Variants in UBE2Z observed in about 807,000 individuals in gnomAD.
The protein encoded by UBE2Z is ubiquitin conjugating enzyme E2 Z, also known as ubiquitin-conjugating enzyme E2 Z.
Under a neutral mutation model 32.6 loss-of-function variants are expected in UBE2Z, and 10 were observed. The observed-to-expected ratio is 0.31, with a 90% CI of 0.19 to 0.52. The LOEUF (loss-of-function observed/expected upper bound fraction) is 0.52. Among genes scored for constraint, UBE2Z ranks in the 20% least tolerant of loss-of-function variants. UBE2Z has a pLI of 0.97. For missense variants in UBE2Z, 343 were observed against 480.9 expected (o/e 0.71, Z 2.68); for synonymous variants, 183 against 190.8 (o/e 0.96, Z 0.34).
At chr17:48,921,540 A>G (rs58838744) in intron 5 of UBE2Z, among the ~76,000 whole-genome samples, 62,582 of 152,098 alleles carry the variant, frequency 0.41, 15,411 homozygotes, top group East Asian at 0.71. Context: ...ACTTTTTTCC[A>G]GCCAAATGTG....
intron 6 of UBE2Z, among the ~76,000 whole-genome samples, chr17:48,924,619 A>G (rs147069987): frequency 0.019 from 2,926 of 152,096 alleles, 51 homozygotes; most frequent in Non-Finnish European, 0.029. Flanking sequence ...GCAGAGGTGG[A>G]CAGATCTCTT....
intron 1 of UBE2Z, 55 bp from the exon 2 acceptor site, chr17:48,910,753 C>T (rs766514826): frequency 4.4e-6 from 6 of 1,359,140 alleles, no homozygotes; most frequent in Non-Finnish European, 6.3e-6. Context: ...TCAAGGGATT[C>T]CCCCTTTCCC....
At chr17:48,916,290 C>T in intron 4 of UBE2Z, 103 bp downstream of exon 4, 1 of 511,914 alleles carries the variant, frequency 2.0e-6, no homozygotes, top group South Asian at 3.8e-5. Context: ...GAGTCTTCCT[C>T]TGTCACCTAG....
Position 48,908,831 on chromosome 17 carries a change from G to GT in UBE2Z, c.317+16dup. On this transcript the variant is annotated intron_variant, in intron 1 of 6. Coordinates refer to ENST00000360943, the MANE Select transcript of UBE2Z (RefSeq NM_023079.5). ...ACTCCGGATCAAGCGGTGAGCCGGG[G>GT]TTTTTCCTCCCCCAGCCCCGAGCTC... 2 of 1,487,780 alleles carry GT rather than the reference G, an allele frequency of 1.3e-6. No individual in the cohort carries two copies. The highest frequency in any genetic ancestry group is 1.4e-5 in the African/African-American group (1 of 69,114). The allele number at this position is 1,487,780 out of a possible 1,614,324, so 92.2% of individuals were successfully genotyped here. A position where few individuals can be genotyped will look rare whatever the true frequency, so the allele number is the denominator to read the frequency against.
chr17:48,919,532 A>G (rs1463233204), intron 4 of UBE2Z, among the ~76,000 whole-genome samples: 1 of 152,248 alleles, frequency 6.6e-6, no homozygotes, highest in East Asian at 1.9e-4. Context: ...GCTGGAGTAC[A>G]GTGGCACAGT....
chr17:48,917,078 G>C (rs568345020), intron 4 of UBE2Z, among the ~76,000 whole-genome samples: 1 of 151,756 alleles, frequency 6.6e-6, no homozygotes. Flanking sequence ...AGGCCGAGGC[G>C]GGCAGATCAC....
chr17:48,909,732 C>T (rs1225351418), intron 1 of UBE2Z, among the ~76,000 whole-genome samples: 5 of 152,092 alleles, frequency 3.3e-5, no homozygotes, highest in Non-Finnish European at 7.4e-5. Flanking sequence ...AAGAAAAGGG[C>T]AGTGCTCTTT....
At position 48,922,743 on chromosome 17, in the gene UBE2Z, G is replaced by A. The variant is rs565965407; in HGVS notation, c.804-104G>A. The A allele has an allele frequency of 3.2e-5, 25 of 792,006 alleles. No homozygotes were observed. In the East Asian group the frequency reaches 6.9e-4, roughly 22 times the overall value. 49.1% of individuals were successfully genotyped at this position (792,006 alleles called of 1,614,324 possible). On this transcript the variant is annotated intron_variant, in intron 5 of 6. Coordinates refer to ENST00000360943, the MANE Select transcript of UBE2Z (RefSeq NM_023079.5). ...GGTTGCACCACTGCACTCCAACATG[G>A]GCTACAGAGCAAGACTCCATCTGAA...
At position 48,908,543 on chromosome 17, in the gene UBE2Z, G is replaced by GCCGGGGCGGCGGGCC. The variant is rs1261508838; in HGVS notation, c.49_63dup (p.Ala17_Ala21dup). 9.5e-5 allele frequency: 117 copies of GCCGGGGCGGCGGGCC among 1,236,352 alleles called. No individual in the cohort carries two copies. The highest frequency in any genetic ancestry group is 1.0e-4 in the Non-Finnish European group (99 of 988,606). 76.6% of individuals were successfully genotyped at this position (1,236,352 alleles called of 1,614,324 possible). A position where few individuals can be genotyped will look rare whatever the true frequency, so the allele number is the denominator to read the frequency against. On this transcript the variant is annotated inframe_insertion, in exon 1 of 7. Transcript: ENST00000360943. The stretch of plus-strand genomic sequence containing the variant: ...GACTGAGGAGGCGGCAACGGCGGGC[G>GCCGGGGCGGCGGGCC]CCGGGGCGGCGGGCCCCGGGGCGAG...
chr17:48,923,535 G>A lies in UBE2Z; in HGVS notation c.894+598G>A, dbSNP rs184544916. 4.1e-3 allele frequency among the ~76,000 whole-genome samples: 620 copies of A among 151,882 alleles called. 8 individuals carry two copies. Among genetic ancestry groups the A allele is most frequent in the African/African-American group, 0.014 (600 of 41,412 alleles). The stretch of plus-strand genomic sequence containing the variant: ...TAATCCCGGCTACTTGGGAGGCTGA[G>A]GCAGGAGAATCGCTTGAACCTGGGA... On this transcript the variant is annotated intron_variant, in intron 6 of 6. Coordinates refer to ENST00000360943, the MANE Select transcript of UBE2Z (RefSeq NM_023079.5).
chr17:48,912,378 A>G (rs1376709802), intron 2 of UBE2Z: 1 of 156,524 alleles, frequency 6.4e-6, no homozygotes, highest in Non-Finnish European at 1.4e-5. Context: ...GCAAATCCAA[A>G]CATATATTCA....
chr17:48,926,772 C>T (rs536300714), intron 6 of UBE2Z, among the ~76,000 whole-genome samples, 192 bp from the exon 7 acceptor site: 16 of 152,276 alleles, frequency 1.1e-4, no homozygotes, highest in Middle Eastern at 3.4e-3. Context: ...TGAGCCACCG[C>T]GCCTGGCCCA....
At chr17:48,911,264 G>T (rs182484807) in intron 2 of UBE2Z, 35 of 201,306 alleles carry the variant, frequency 1.7e-4, no homozygotes, top group African/African-American at 5.0e-4. Flanking sequence ...CTATGCTATG[G>T]TACTATAAAT....
At position 48,915,895 on chromosome 17, in the gene UBE2Z, A is replaced by G; in HGVS notation, c.579-181A>G. Reference sequence around the variant, plus strand: ...CCCCCCTTGATTTGAGGATTAGGCAATTGACTGATTTCTGGTGAAATCAGA... The same window carrying G: ...CCCCCCTTGATTTGAGGATTAGGCAGTTGACTGATTTCTGGTGAAATCAGA... On this transcript the variant is annotated intron_variant, in intron 3 of 6. Coordinates refer to ENST00000360943, the MANE Select transcript of UBE2Z (RefSeq NM_023079.5). The G allele has an allele frequency of 1.3e-5, 4 of 300,766 alleles. No individual in the cohort carries two copies. In the South Asian group the frequency reaches 1.4e-4, roughly 10 times the overall value. The allele number at this position is 300,766 out of a possible 1,614,324, so 18.6% of individuals were successfully genotyped here. A position where few individuals can be genotyped will look rare whatever the true frequency, so the allele number is the denominator to read the frequency against.
At chr17:48,919,960 C>T (rs939902744) in intron 4 of UBE2Z, among the ~76,000 whole-genome samples, 3 of 151,196 alleles carry the variant, frequency 2.0e-5, no homozygotes, top group Admixed American at 2.0e-4. Flanking sequence ...TTTTTTTTCT[C>T]CCCCTAAAGA....
chr17:48,909,352 C>G lies in UBE2Z; in HGVS notation c.317+532C>G, dbSNP rs549935113. Among the ~76,000 whole-genome samples the G allele has an allele frequency of 2.0e-3, 303 of 152,080 alleles. 1 individual carries two copies. Among genetic ancestry groups the G allele is most frequent in the African/African-American group, 7.0e-3 (291 of 41,476 alleles). On this transcript the variant is annotated intron_variant, in intron 1 of 6. Coordinates refer to ENST00000360943, the MANE Select transcript of UBE2Z (RefSeq NM_023079.5). Reference sequence around the variant, plus strand: ...TTATCCTCCGTTTTTCTCAGATTCCCTCCACACAGTCTTTTCCCAGGTCTA... The same window carrying G: ...TTATCCTCCGTTTTTCTCAGATTCCGTCCACACAGTCTTTTCCCAGGTCTA...
chr17:48,908,765 A>G lies in UBE2Z; in HGVS notation c.262A>G (p.Ser88Gly). ...ALLSHWDPTL[S>G]SDWDGERTAP... is the part of the protein sequence containing the mutation. Reference sequence around the variant, plus strand: ...GCTTAGCCACTGGGACCCCACGCTCAGCTCCGACTGGGACGGCGAGCGCAC... The same window carrying G: ...GCTTAGCCACTGGGACCCCACGCTCGGCTCCGACTGGGACGGCGAGCGCAC... The change falls in exon 1 of 7, where the codon AGC (serine) becomes GGC (glycine). Residue 88 changes from serine to glycine, a missense_variant. Physicochemically the swap from Ser to Gly is moderately conservative, Grantham distance 56. Around this residue, in one of 4 missense-constraint regions of UBE2Z, gnomAD observed 55 missense variants for 56.2 expected, o/e 0.98. Coordinates refer to ENST00000360943, the MANE Select transcript of UBE2Z (RefSeq NM_023079.5). 6.6e-7 allele frequency: 1 copy of G among 1,504,670 alleles called. No individual in the cohort carries two copies. Among genetic ancestry groups the G allele is most frequent in the Non-Finnish European group, 8.8e-7 (1 of 1,131,418 alleles). 93.2% of individuals were successfully genotyped at this position (1,504,670 alleles called of 1,614,324 possible).
At chr17:48,915,759 T>A in intron 3 of UBE2Z, 1 of 270,102 alleles carries the variant, frequency 3.7e-6, no homozygotes, top group South Asian at 4.5e-5. Flanking sequence ...TAGACAACTT[T>A]GGAGCTAATT....
intron 6 of UBE2Z, among the ~76,000 whole-genome samples, chr17:48,924,498 A>G (rs946602236): frequency 6.6e-6 from 1 of 151,110 alleles, no homozygotes; most frequent in Non-Finnish European, 1.5e-5. Context: ...TTTGCTTCCC[A>G]TAAGAACTCA....
Sources: gnomAD v4.1 joint callset for allele counts (sites outside exome capture counted in the v4.1 genomes callset) on GRCh38, gnomAD v4.1.1 for gene constraint, gnomAD v4.1.1 regional missense constraint, MANE v1.5 for transcripts, NCBI Gene and HGNC (gene_info 2026-07-23, HGNC 2026-07-21) for gene names.